RPL22L1: variants seen among roughly 807,000 people sequenced by gnomAD.
RPL22L1 encodes the protein ribosomal protein eL22-like.
Under a neutral mutation model 17.3 loss-of-function variants are expected in RPL22L1, and 19 were observed. The ratio of observed to expected loss-of-function variants is 1.10; its 90% CI spans 0.77 to 1.61. The LOEUF is 1.61. Among genes scored for constraint, RPL22L1 ranks in the 40% most tolerant of loss-of-function variants. The pLI is 0.00. For synonymous variants in RPL22L1, 48 were observed against 48.5 expected, an observed-to-expected ratio of 0.99 and a Z score of 0.05; for missense variants, 139 against 144.4, an observed-to-expected ratio of 0.96 and a Z score of 0.19.
rs561711230 is a variant in RPL22L1, at chr3:170,865,928, G to A, written c.*452C>T. On this transcript the variant is annotated 3_prime_UTR_variant, in exon 4 of 4. Coordinates refer to ENST00000295830, the MANE Select transcript of RPL22L1 (RefSeq NM_001099645.2). Reference sequence around the variant, plus strand: ...TCAGCACTTTGGGAAGCCGAGGTGGGTAGATCACTTGAGGTCAGGAGTTTG... The same window carrying A: ...TCAGCACTTTGGGAAGCCGAGGTGGATAGATCACTTGAGGTCAGGAGTTTG... The A allele has an allele frequency of 6.6e-6, 1 of 152,478 alleles. No homozygotes were observed. The highest frequency in any genetic ancestry group is 2.1e-4 in the South Asian group (1 of 4,832). 9.4% of individuals were successfully genotyped at this position (152,478 alleles called of 1,614,324 possible).
rs1302014496 is a variant in RPL22L1, at chr3:170,868,381, T to C, written c.19A>G (p.Arg7Gly). The stretch of plus-strand genomic sequence containing the variant: ...CTCCAGGTTGACCTCTTGGGCTTCC[T>C]GTCTTTCTGCTACATAAATGAGAAA... MAPQKD[R>G]KPKRSTWRFN... Residue 7 changes from arginine to glycine, a missense_variant, in exon 2 of 4, where the codon AGG (arginine) becomes GGG (glycine). Transcript: ENST00000295830. The C allele has an allele frequency of 1.3e-6, 2 of 1,593,082 alleles. No individual in the cohort carries two copies. The highest frequency in any genetic ancestry group is 1.7e-6 in the Non-Finnish European group (2 of 1,163,926).
intron 1 of RPL22L1, among the ~76,000 whole-genome samples, chr3:170,868,803 T>TA (rs550401844): frequency 0.12 from 14,264 of 117,488 alleles, 834 homozygotes; most frequent in African/African-American, 0.17. Context: ...GGGACTTTGG[T>TA]AAAAAAAAAA....
chr3:170,865,302 A>AGACTCATCTAAGTACCTG lies in RPL22L1; in HGVS notation c.*1060_*1077dup, dbSNP rs1711702859. ...TGGCGACACAATTCTATTAGCATCA[A>AGACTCATCTAAGTACCTG]GACTCATCTAAGTACCTGAAGTAGT... On this transcript the variant is annotated 3_prime_UTR_variant, in exon 4 of 4. Coordinates refer to ENST00000295830, the MANE Select transcript of RPL22L1 (RefSeq NM_001099645.2). The AGACTCATCTAAGTACCTG allele has an allele frequency of 6.6e-6, 1 of 152,250 alleles. No homozygotes were observed. The highest frequency in any genetic ancestry group is 6.5e-5 in the Admixed American group (1 of 15,280). The allele number at this position is 152,250 out of a possible 1,614,324, so 9.4% of individuals were successfully genotyped here.
chr3:170,870,054 C>T (rs1315404789), intron 1 of RPL22L1, 105 bp downstream of exon 1: 1 of 1,530,286 alleles, frequency 6.5e-7, no homozygotes, highest in Non-Finnish European at 9.0e-7. Context: ...TACTCCCCTC[C>T]CTTTATCTTG....
At chr3:170,867,779 A>C (rs969166791) in intron 3 of RPL22L1, among the ~76,000 whole-genome samples, 21 of 152,318 alleles carry the variant, frequency 1.4e-4, no homozygotes, top group African/African-American at 4.8e-4. Context: ...TACAGGGCCT[A>C]TAATTTACTG....
chr3:170,868,462 T>G, intron 1 of RPL22L1, 72 bp from the exon 2 acceptor site: 1 of 926,954 alleles, frequency 1.1e-6, no homozygotes, highest in African/African-American at 1.7e-5. Context: ...ATTTTAAAGT[T>G]TGTACCAATG....
Position 170,868,295 on chromosome 3 carries a change from T to TA in RPL22L1, c.102+2dup, listed in dbSNP as rs768698222. ...AAAATAAGCCGAGTAGAATGATACT[T>TA]ACAAAATTTCCAGAATCAAAAATTC... On this transcript the variant is annotated splice_region_variant and intron_variant, in intron 2 of 3. Coordinates refer to ENST00000295830, the MANE Select transcript of RPL22L1 (RefSeq NM_001099645.2). The TA allele has an allele frequency of 2.5e-6, 4 of 1,588,820 alleles. No homozygotes were observed. The highest frequency in any genetic ancestry group is 1.3e-5 in the African/African-American group (1 of 74,384).
At chr3:170,869,239 C>T (rs924101467) in intron 1 of RPL22L1, among the ~76,000 whole-genome samples, 2 of 152,094 alleles carry the variant, frequency 1.3e-5, no homozygotes, top group African/African-American at 4.8e-5. Context: ...CAACCATGTA[C>T]ATTCACTGCA....
chr3:170,869,928 TA>T, intron 1 of RPL22L1: 2 of 701,614 alleles, frequency 2.9e-6, no homozygotes, highest in Non-Finnish European at 5.1e-6. Flanking sequence ...CCACCCATCC[TA>T]AACCAATTCC....
intron 1 of RPL22L1, 141 bp from the exon 2 acceptor site, chr3:170,868,531 AC>A: frequency 5.4e-6 from 3 of 559,912 alleles, no homozygotes; most frequent in Non-Finnish European, 6.3e-6. Flanking sequence ...AAATAAAAAA[AC>A]ACCACCACTA....
At position 170,866,477 on chromosome 3, in the gene RPL22L1, C is replaced by T. The variant is rs957367223; in HGVS notation, c.272G>A (p.Arg91His). ...TKKYLKKNNL[R>H]DWLRVVASDK... The stretch of plus-strand genomic sequence containing the variant: ...AGATGCAACCACTCGAAGCCAATCA[C>T]GAAGATTGTTCTTCTTAAGGTATTT... The change falls in exon 4 of 4, where the codon CGT becomes CAT. Residue 91 changes from arginine (R) to histidine (H), a missense_variant. By Grantham distance (29) the Arg-to-His change is conservative (BLOSUM62 0). Coordinates refer to ENST00000295830, the MANE Select transcript of RPL22L1 (RefSeq NM_001099645.2). 11 of 1,578,532 alleles carry T rather than the reference C, an allele frequency of 7.0e-6. No homozygotes were observed. The highest frequency in any genetic ancestry group is 3.7e-5 in the Admixed American group (2 of 54,732).
rs555361307 is a variant in RPL22L1 at position 170,866,465 on chromosome 3, C to T, written c.284G>A (p.Arg95Gln). Residue 95 changes from arginine to glutamine, a missense_variant, in exon 4 of 4, where the codon CGA (arginine) becomes CAA (glutamine). Coordinates refer to ENST00000295830, the MANE Select transcript of RPL22L1 (RefSeq NM_001099645.2). Reference sequence around the variant, plus strand: ...GGTCTCCTTGTCAGATGCAACCACTCGAAGCCAATCACGAAGATTGTTCTT... The same window carrying T: ...GGTCTCCTTGTCAGATGCAACCACTTGAAGCCAATCACGAAGATTGTTCTT... ...LKKNNLRDWL[R>Q]VVASDKETYE... 2.5e-5 allele frequency: 39 copies of T among 1,588,370 alleles called. No homozygotes were observed. The highest frequency in any genetic ancestry group is 3.4e-5 in the South Asian group (3 of 87,204).
intron 1 of RPL22L1, chr3:170,869,897 C>T (rs1711927708): frequency 1.6e-6 from 1 of 635,672 alleles, no homozygotes. Context: ...TTGTGCCTCC[C>T]TCTTTCCCGC....
chr3:170,865,190 G>A lies in RPL22L1; in HGVS notation c.*1190C>T, dbSNP rs138729393. ...GGGGCACTTAAATTTTTAGGAAAAC[G>A]AATTAAAACATTGAATTAAACAATA... On this transcript the variant is annotated 3_prime_UTR_variant, in exon 4 of 4. Coordinates refer to ENST00000295830, the MANE Select transcript of RPL22L1 (RefSeq NM_001099645.2). The A allele has an allele frequency of 1.6e-3, 241 of 152,282 alleles. 1 individual carries two copies. The highest frequency in any genetic ancestry group is 5.6e-3 in the African/African-American group (233 of 41,550). 9.4% of individuals were successfully genotyped at this position (152,282 alleles called of 1,614,324 possible). A position where few individuals can be genotyped will look rare whatever the true frequency, so the allele number is the denominator to read the frequency against.
At chr3:170,869,935 A>G in intron 1 of RPL22L1, 1 of 720,408 alleles carries the variant, frequency 1.4e-6, no homozygotes, top group Non-Finnish European at 2.5e-6. Flanking sequence ...TCCTAAACCA[A>G]TTCCGGGCCC....
Position 170,866,394 on chromosome 3 carries a change from C to A in RPL22L1, c.355G>T (p.Glu119Ter). 6.2e-7 allele frequency: 1 copy of A among 1,605,484 alleles called. No individual in the cohort carries two copies. The highest frequency in any genetic ancestry group is 8.5e-7 in the Non-Finnish European group (1 of 1,175,464). The change falls in exon 4 of 4, where the codon GAG (glutamate) becomes TAG (stop). Residue 119 changes from glutamate (E) to a stop codon, truncating the protein, a stop_gained. Coordinates refer to ENST00000295830, the MANE Select transcript of RPL22L1 (RefSeq NM_001099645.2). LOFTEE classifies it high-confidence loss of function. ...GGAGCCTTTGCCTAGTCCTCCGACT[C>A]TGATTCATCTTCATCTTGACTAATC... The part of the protein sequence containing the change: ...FQISQDEDES[E>*]SED
intron 3 of RPL22L1, among the ~76,000 whole-genome samples, chr3:170,867,450 T>G (rs971360057): frequency 2.0e-5 from 3 of 152,170 alleles, no homozygotes; most frequent in Admixed American, 6.5e-5. Context: ...TTTTATGCCC[T>G]TACAGCACTT....
intron 3 of RPL22L1, among the ~76,000 whole-genome samples, 180 bp from the exon 4 acceptor site, chr3:170,866,704 C>T (rs1711783247): frequency 6.6e-6 from 1 of 152,154 alleles, no homozygotes; most frequent in African/African-American, 2.4e-5. Flanking sequence ...ATCCTCTTGT[C>T]ATACTGCCAC....
chr3:170,866,826 T>C (rs948314898), intron 3 of RPL22L1, among the ~76,000 whole-genome samples: 1 of 152,190 alleles, frequency 6.6e-6, no homozygotes, highest in Non-Finnish European at 1.5e-5. Context: ...TGTATATATA[T>C]GTGAAAACGT....
Sources: allele counts gnomAD v4.1 joint callset (sites outside exome capture counted in the v4.1 genomes callset), GRCh38; gene constraint gnomAD v4.1.1; transcripts MANE v1.5; gene names NCBI Gene and HGNC (gene_info 2026-07-23, HGNC 2026-07-21).